The following RANBP2 variants were observed in gnomAD, a reference collection of about 807,000 sequenced individuals.
RANBP2 encodes E3 SUMO-protein ligase RanBP2.
A neutral mutation model predicts 303.6 loss-of-function variants in RANBP2; 57 were observed. The observed-to-expected ratio is 0.19, with a 90% CI of 0.15 to 0.23. RANBP2 has a LOEUF of 0.23. Ranked by LOEUF, RANBP2 falls within the 10% of genes least tolerant of loss-of-function variation. The pLI, the probability that RANBP2 is intolerant of heterozygous loss-of-function variation, is 1.00. For synonymous variants in RANBP2, 1,167 were observed against 1,301.5 expected (o/e 0.90, Z 2.23); for missense variants, 3,138 against 3,780.8 (o/e 0.83, Z 4.46).
chr2:109,294,888 TAGTG>T, the RANBP2 span, among the ~76,000 whole-genome samples: 1 of 152,094 alleles, frequency 6.6e-6, no homozygotes, highest in Non-Finnish European at 1.5e-5. Flanking sequence ...GAGAAAGACT[TAGTG>T]AGGAGAGAAG....
the RANBP2 span, among the ~76,000 whole-genome samples, chr2:108,904,553 A>G: frequency 2.7e-4 from 40 of 150,348 alleles, no homozygotes; most frequent in African/African-American, 9.6e-4. Context: ...CGTTAAGTGG[A>G]AATAACCCTG....
chr2:108,907,160 G>C, the RANBP2 span, among the ~76,000 whole-genome samples: 1 of 152,210 alleles, frequency 6.6e-6, no homozygotes. Flanking sequence ...GTTTCTACAT[G>C]TGAACCTGTT....
At chr2:108,888,751 C>T in the RANBP2 span, among the ~76,000 whole-genome samples, 19 of 151,868 alleles carry the variant, frequency 1.3e-4, no homozygotes, top group African/African-American at 4.3e-4. Context: ...TTGGGAGAAT[C>T]AATTTTTCAT....
chr2:108,834,106 C>T, the RANBP2 span, among the ~76,000 whole-genome samples: 1 of 151,442 alleles, frequency 6.6e-6, no homozygotes, highest in Non-Finnish European at 1.5e-5. Flanking sequence ...TTGAGGGTAT[C>T]ATTTTACTTA....
At chr2:109,084,873 C>A in the RANBP2 span, among the ~76,000 whole-genome samples, 2 of 152,134 alleles carry the variant, frequency 1.3e-5, no homozygotes, top group Admixed American at 1.3e-4. Context: ...GAAACTGATG[C>A]CTACGGAGGG....
chr2:109,550,043 T>C, the RANBP2 span, among the ~76,000 whole-genome samples: 2 of 151,936 alleles, frequency 1.3e-5, no homozygotes, highest in Non-Finnish European at 2.9e-5. Flanking sequence ...AGTATCTTTT[T>C]TCTTTGGGAG....
At chr2:109,066,822 G>C in the RANBP2 span, among the ~76,000 whole-genome samples, 1 of 152,082 alleles carries the variant, frequency 6.6e-6, no homozygotes, top group African/African-American at 2.4e-5. Context: ...AAGGAAGGAG[G>C]GGCCCCAGGG....
Position 108,783,736 on chromosome 2 carries a change from T to C in RANBP2, c.9510T>C (p.Ser3170=). Residue 3170 remains serine, a synonymous_variant, in exon 29 of 29, where the codon TCT becomes TCC. Coordinates refer to ENST00000283195, the MANE Select transcript of RANBP2 (RefSeq NM_006267.5). ...ATCAAGGCCAGAATACCAATAATTC[T>C]CAATTTGTTATAACACTGAAGAAAG... ...MANQGQNTNN[S]QFVITLKKAE... The C allele has an allele frequency of 6.2e-7, 1 of 1,613,392 alleles. No homozygotes were observed. Among genetic ancestry groups the C allele is most frequent in the South Asian group, 1.1e-5 (1 of 91,074 alleles).
At chr2:109,171,773 G>A in the RANBP2 span, among the ~76,000 whole-genome samples, 6 of 152,250 alleles carry the variant, frequency 3.9e-5, no homozygotes, top group African/African-American at 1.4e-4. Context: ...TCCCTGCCGT[G>A]CATCCCGGCC....
the RANBP2 span, among the ~76,000 whole-genome samples, chr2:109,537,553 G>A: frequency 7.0e-6 from 1 of 142,494 alleles, no homozygotes; most frequent in Non-Finnish European, 1.6e-5. Context: ...CTGGTCTTAT[G>A]AGTTTGGATT....
the RANBP2 span, among the ~76,000 whole-genome samples, chr2:109,705,298 G>A: frequency 5.3e-5 from 8 of 151,642 alleles, no homozygotes; most frequent in Non-Finnish European, 1.2e-4. Flanking sequence ...CCAGCTACCC[G>A]GGAAGGCTGA....
At chr2:109,529,335 G>A in the RANBP2 span, among the ~76,000 whole-genome samples, 1 of 152,210 alleles carries the variant, frequency 6.6e-6, no homozygotes, top group Non-Finnish European at 1.5e-5. Context: ...GAGGAGGAAG[G>A]GCTACAGTGT....
chr2:109,396,772 C>G, the RANBP2 span, among the ~76,000 whole-genome samples: 1 of 152,242 alleles, frequency 6.6e-6, no homozygotes, highest in East Asian at 1.9e-4. Flanking sequence ...AGCCTATATC[C>G]TTAGCCTATG....
the RANBP2 span, among the ~76,000 whole-genome samples, chr2:109,451,547 G>A: frequency 1.3e-5 from 2 of 150,330 alleles, no homozygotes; most frequent in Non-Finnish European, 1.5e-5. Flanking sequence ...CGTCCTGTAC[G>A]AATCTACACG....
At chr2:109,381,699 T>G in the RANBP2 span, among the ~76,000 whole-genome samples, 2 of 152,042 alleles carry the variant, frequency 1.3e-5, no homozygotes, top group Admixed American at 1.3e-4. Flanking sequence ...AAGGACAGCT[T>G]TACTGGTGAC....
At chr2:109,738,132 G>C in the RANBP2 span, among the ~76,000 whole-genome samples, 7 of 151,702 alleles carry the variant, frequency 4.6e-5, no homozygotes, top group African/African-American at 1.5e-4. Context: ...TGTTTTTGTG[G>C]TCTCATCTGT....
chr2:108,982,069 C>T, the RANBP2 span, among the ~76,000 whole-genome samples: 704 of 152,280 alleles, frequency 4.6e-3, 6 homozygotes, highest in African/African-American at 0.016. Context: ...AGTAACAGCA[C>T]CATGCAATTT....
chr2:108,784,038 G>C lies in RANBP2; in HGVS notation c.*137G>C. 1.2e-6 allele frequency: 1 copy of C among 825,848 alleles called. No homozygotes were observed. The highest frequency in any genetic ancestry group is 1.8e-5 in the South Asian group (1 of 55,942). 51.2% of individuals were successfully genotyped at this position (825,848 alleles called of 1,614,324 possible). A position where few individuals can be genotyped will look rare whatever the true frequency, so the allele number is the denominator to read the frequency against. On this transcript the variant is annotated 3_prime_UTR_variant, in exon 29 of 29. Transcript: ENST00000283195. Reference sequence around the variant, plus strand: ...AAATGTAAAATTGCAGCTTATAGCTGTTGTCACTTTTTAATGTGTTATAAT... The same window carrying C: ...AAATGTAAAATTGCAGCTTATAGCTCTTGTCACTTTTTAATGTGTTATAAT...
the RANBP2 span, among the ~76,000 whole-genome samples, chr2:109,539,037 C>T: frequency 6.6e-6 from 1 of 152,098 alleles, no homozygotes; most frequent in Admixed American, 6.5e-5. Flanking sequence ...CGGTGGTTCA[C>T]GCCTGTATTT....
Sources: gnomAD v4.1 joint callset for allele counts (sites outside exome capture counted in the v4.1 genomes callset) on GRCh38, gnomAD v4.1.1 for gene constraint, MANE v1.5 for transcripts, NCBI Gene and HGNC (gene_info 2026-07-23, HGNC 2026-07-21) for gene names.